Variants in TBC1D5 observed in about 807,000 individuals in gnomAD.
TBC1D5 encodes TBC1 domain family member 5.
TBC1D5 carries 75 observed loss-of-function variants against 100.3 expected under a neutral mutation model. The observed-to-expected ratio is 0.75, with a 90% CI of 0.62 to 0.91. The LOEUF (loss-of-function observed/expected upper bound fraction) is 0.91, where lower values mean the gene tolerates loss of function less well. Ranked by LOEUF, TBC1D5 falls within the 40% of genes least tolerant of loss-of-function variation. The pLI is 0.00. For synonymous variants in TBC1D5, 323 were observed against 325.6 expected, an observed-to-expected ratio of 0.99 and a Z score of 0.09; for missense variants, 910 against 942.4, an observed-to-expected ratio of 0.97 and a Z score of 0.45.
chr3:17,688,401 T>C (rs565384562), intron 1 of TBC1D5, among the ~76,000 whole-genome samples: 10 of 152,336 alleles, frequency 6.6e-5, no homozygotes, highest in Admixed American at 1.3e-4. Flanking sequence ...TTTCTAGTTT[T>C]TCTACAATGA....
chr3:17,500,194 T>C (rs1222185827), intron 3 of TBC1D5, among the ~76,000 whole-genome samples: 3 of 149,254 alleles, frequency 2.0e-5, no homozygotes, highest in Admixed American at 6.6e-5. Context: ...ATAAAGAGAA[T>C]TGCTACATCA....
intron 16 of TBC1D5, among the ~76,000 whole-genome samples, chr3:17,255,980 A>C (rs7613080): frequency 1.3e-5 from 2 of 152,150 alleles, no homozygotes; most frequent in African/African-American, 4.8e-5. Context: ...AGCTTGCAGT[A>C]AGCCGAGATT....
intron 4 of TBC1D5, among the ~76,000 whole-genome samples, chr3:17,423,941 A>G (rs1034243191): frequency 6.6e-6 from 1 of 152,218 alleles, no homozygotes; most frequent in African/African-American, 2.4e-5. Flanking sequence ...AGCCAAGTTT[A>G]CCACAAATTT....
chr3:17,452,733 A>G (rs1210305170), intron 3 of TBC1D5, among the ~76,000 whole-genome samples: 1 of 152,140 alleles, frequency 6.6e-6, no homozygotes, highest in African/African-American at 2.4e-5. Flanking sequence ...TCAGCACCCC[A>G]CTTTCAGCAA....
intron 13 of TBC1D5, among the ~76,000 whole-genome samples, chr3:17,341,204 C>CT (rs910526070): frequency 2.1e-4 from 31 of 149,140 alleles, no homozygotes; most frequent in South Asian, 8.5e-4. Flanking sequence ...ATTCTGAATT[C>CT]TTTTTTTTTT....
chr3:17,582,940 A>G (rs963305279), intron 2 of TBC1D5, among the ~76,000 whole-genome samples: 2 of 152,186 alleles, frequency 1.3e-5, no homozygotes, highest in East Asian at 3.8e-4. Context: ...GAACTGAATG[A>G]TAGTCTGAAA....
intron 3 of TBC1D5, among the ~76,000 whole-genome samples, chr3:17,428,765 G>T (rs2094392724): frequency 6.6e-6 from 1 of 151,738 alleles, no homozygotes; most frequent in African/African-American, 2.4e-5. Context: ...GAACAAATGA[G>T]GCACAGTACA....
chr3:17,192,363 T>TTA (rs2070050477), intron 18 of TBC1D5, among the ~76,000 whole-genome samples: 1 of 141,272 alleles, frequency 7.1e-6, no homozygotes, highest in Non-Finnish European at 1.6e-5. Flanking sequence ...AAATAAATTG[T>TTA]AAAAAAAAAA....
chr3:17,643,401 T>G (rs1444982802), intron 1 of TBC1D5, among the ~76,000 whole-genome samples: 1 of 152,082 alleles, frequency 6.6e-6, no homozygotes, highest in Non-Finnish European at 1.5e-5. Context: ...TCTTTGTAAT[T>G]ATTAAACATC....
At chr3:17,554,319 T>C (rs2096497214) in intron 2 of TBC1D5, among the ~76,000 whole-genome samples, 1 of 152,220 alleles carries the variant, frequency 6.6e-6, no homozygotes, top group Admixed American at 6.5e-5. Context: ...AAATAAATTA[T>C]AACGCAACTC....
At chr3:17,656,853 T>C (rs1042320165) in intron 1 of TBC1D5, among the ~76,000 whole-genome samples, 8 of 151,986 alleles carry the variant, frequency 5.3e-5, no homozygotes, top group African/African-American at 1.7e-4. Context: ...AAAATGCGCA[T>C]TCGAATGGAA....
chr3:17,593,612 C>T (rs2060374450), intron 2 of TBC1D5, among the ~76,000 whole-genome samples: 3 of 152,226 alleles, frequency 2.0e-5, no homozygotes, highest in Admixed American at 2.0e-4. Flanking sequence ...TCTGCCAAGA[C>T]TAGCACCCAT....
rs768244177 is a variant in TBC1D5 at position 17,641,281 on chromosome 3, C to CA, written c.-100-17369dup. Among the ~76,000 whole-genome samples, 4 of 152,084 alleles carry CA rather than the reference C, an allele frequency of 2.6e-5. 1 individual carries two copies. The South Asian group carries it at 8.3e-4, about 32-fold the overall frequency. ...TACCATTAACAAAATTATTCACACACAAAAAATACACAAACTACATTCTGT... is the reference window on the plus strand; with the variant it reads ...TACCATTAACAAAATTATTCACACACAAAAAAATACACAAACTACATTCTGT... On this transcript the variant is annotated intron_variant, in intron 1 of 21. Coordinates refer to ENST00000253692, the Ensembl canonical transcript of TBC1D5.
intron 2 of TBC1D5, among the ~76,000 whole-genome samples, chr3:17,510,296 T>G (rs2095889748): frequency 6.6e-6 from 1 of 151,998 alleles, no homozygotes. Context: ...AGTAAAATAT[T>G]CATATACATG....
chr3:17,516,872 C>T (rs964990033), intron 2 of TBC1D5, among the ~76,000 whole-genome samples: 2 of 152,184 alleles, frequency 1.3e-5, no homozygotes, highest in Non-Finnish European at 2.9e-5. Context: ...TCTCCCTCAA[C>T]ATGCTCTGGC....
chr3:17,319,211 C>T (rs976800758), intron 13 of TBC1D5, among the ~76,000 whole-genome samples: 6 of 152,142 alleles, frequency 3.9e-5, no homozygotes, highest in African/African-American at 1.4e-4. Flanking sequence ...ACATAAAACA[C>T]TTTAAATTTA....
chr3:17,388,451 C>T (rs2093239408), intron 8 of TBC1D5, among the ~76,000 whole-genome samples: 2 of 152,048 alleles, frequency 1.3e-5, no homozygotes, highest in Admixed American at 1.3e-4. Flanking sequence ...TCTTGTTTTA[C>T]ATATATTCCT....
At chr3:17,332,738 C>A (rs2087049664) in intron 13 of TBC1D5, among the ~76,000 whole-genome samples, 2 of 151,614 alleles carry the variant, frequency 1.3e-5, no homozygotes, top group African/African-American at 4.9e-5. Context: ...AGGAAGAAAT[C>A]AATGGTTTCA....
intron 3 of TBC1D5, among the ~76,000 whole-genome samples, chr3:17,496,797 T>A (rs1283826234): frequency 6.6e-6 from 1 of 152,100 alleles, no homozygotes; most frequent in Non-Finnish European, 1.5e-5. Flanking sequence ...TAGCTATCAT[T>A]CCTATCCTTG....
Sources: gnomAD v4.1 joint callset for allele counts (sites outside exome capture counted in the v4.1 genomes callset) on GRCh38, gnomAD v4.1.1 for gene constraint, MANE v1.5 for transcripts, NCBI Gene and HGNC (gene_info 2026-07-23, HGNC 2026-07-21) for gene names.